ROPN1L: variants seen among roughly 807,000 people sequenced by gnomAD.
ROPN1L encodes ropporin-1-like protein.
In ROPN1L, 23 loss-of-function variants were observed where a neutral mutation model predicts 22.7. The observed-to-expected ratio is 1.01, with a 90% CI of 0.73 to 1.43. The LOEUF is 1.43. Ranked by LOEUF, ROPN1L falls within the 40% of genes most tolerant of loss-of-function variation. ROPN1L has a pLI of 0.00. For missense variants in ROPN1L, 271 were observed against 291.5 expected (o/e 0.93, Z 0.51); for synonymous variants, 116 against 117.8 (o/e 0.98, Z 0.10).
chr5:10,479,672 G>A, the ROPN1L span, among the ~76,000 whole-genome samples: 3 of 151,232 alleles, frequency 2.0e-5, no homozygotes, highest in African/African-American at 7.2e-5. Flanking sequence ...GAGGCCTCTT[G>A]CCTGAGCTCC....
intron 3 of ROPN1L, among the ~76,000 whole-genome samples, chr5:10,459,290 C>T (rs1734957397): frequency 6.6e-6 from 1 of 151,418 alleles, no homozygotes. Flanking sequence ...TGCCAGGTTC[C>T]CGCCTTCCAC....
downstream of ROPN1L, among the ~76,000 whole-genome samples, chr5:10,476,271 G>A (rs1252333484): frequency 2.6e-5 from 4 of 152,196 alleles, no homozygotes; most frequent in Admixed American, 1.3e-4. Flanking sequence ...TATGTGTTGC[G>A]GGGCATGATT....
intron 4 of ROPN1L, among the ~76,000 whole-genome samples, chr5:10,461,985 C>T (rs955606296): frequency 3.3e-5 from 5 of 152,130 alleles, no homozygotes; most frequent in East Asian, 1.9e-4. Context: ...GTTTAGCTTC[C>T]GGGAAACTTT....
intron 3 of ROPN1L, among the ~76,000 whole-genome samples, chr5:10,451,351 T>C (rs775053113): frequency 3.3e-5 from 5 of 152,250 alleles, no homozygotes; most frequent in Non-Finnish European, 5.9e-5. Context: ...TCCCATGTCC[T>C]GTCCCCCTGC....
At chr5:10,454,386 G>T (rs1013429474) in intron 3 of ROPN1L, among the ~76,000 whole-genome samples, 12 of 152,178 alleles carry the variant, frequency 7.9e-5, no homozygotes, top group African/African-American at 2.9e-4. Flanking sequence ...GCCTCCCAAA[G>T]TTCTGAGATT....
chr5:10,457,688 G>A (rs1019431306), intron 3 of ROPN1L, among the ~76,000 whole-genome samples: 4 of 152,178 alleles, frequency 2.6e-5, no homozygotes, highest in Non-Finnish European at 5.9e-5. Context: ...AGCCTGGAGC[G>A]GCCTCAGAGC....
downstream of ROPN1L, among the ~76,000 whole-genome samples, chr5:10,465,951 G>A (rs1246706254): frequency 1.3e-5 from 2 of 152,178 alleles, no homozygotes; most frequent in Non-Finnish European, 2.9e-5. Context: ...GGCATTGGCA[G>A]CTGAGGCTGC....
At chr5:10,448,421 C>T (rs760822561) in intron 2 of ROPN1L, 38 bp downstream of exon 2, 11 of 1,611,896 alleles carry the variant, frequency 6.8e-6, no homozygotes, top group African/African-American at 1.3e-5. Context: ...AGGCAGCTGG[C>T]CTGTGCTTTC....
intron 3 of ROPN1L, among the ~76,000 whole-genome samples, chr5:10,454,521 T>G (rs1234542408): frequency 6.7e-6 from 1 of 149,062 alleles, no homozygotes; most frequent in Non-Finnish European, 1.5e-5. Flanking sequence ...ATGGAGATCT[T>G]TTTTTTTTTA....
chr5:10,463,067 A>G (rs1427895324), intron 4 of ROPN1L, among the ~76,000 whole-genome samples: 1 of 152,160 alleles, frequency 6.6e-6, no homozygotes, highest in Non-Finnish European at 1.5e-5. Context: ...CAGCCACGCA[A>G]TTCTCACTCT....
At chr5:10,446,704 C>A (rs1016789888) in intron 1 of ROPN1L, among the ~76,000 whole-genome samples, 3 of 149,914 alleles carry the variant, frequency 2.0e-5, no homozygotes, top group Non-Finnish European at 3.0e-5. Context: ...TGCCTTTTGG[C>A]TGGGGAGGAG....
At chr5:10,455,782 T>TAGAGGCTTTTAAAAATCAGTGCTGGGTC (rs1741400305) in intron 3 of ROPN1L, among the ~76,000 whole-genome samples, 5 of 137,492 alleles carry the variant, frequency 3.6e-5, no homozygotes, top group African/African-American at 1.2e-4. Context: ...AGTGCTGGGT[T>TAGAGGCTTTTAAAAATCAGTGCTGGGTC]AGAGGCTTTT....
chr5:10,461,595 C>A, intron 4 of ROPN1L: 1 of 428,464 alleles, frequency 2.3e-6, no homozygotes, highest in Non-Finnish European at 4.2e-6. Context: ...CCCTGTCTAC[C>A]TGGAGATAGC....
At chr5:10,456,906 C>G (rs549170262) in intron 3 of ROPN1L, among the ~76,000 whole-genome samples, 8 of 152,198 alleles carry the variant, frequency 5.3e-5, no homozygotes, top group Non-Finnish European at 1.0e-4. Context: ...TCCATCCACG[C>G]CAACTCCTTC....
Position 10,449,949 on chromosome 5 carries a change from C to T in ROPN1L, c.256-3C>T. On this transcript the variant is annotated splice_region_variant and splice_polypyrimidine_tract_variant and intron_variant, in intron 2 of 4. Coordinates refer to ENST00000274134, the MANE Select transcript of ROPN1L (RefSeq NM_031916.5). ...AAATTGTCATGCTGTGTTTTCCAAA[C>T]AGTGTCACCACAAGCGGTATGTGGA... 2 of 1,601,780 alleles carry T rather than the reference C, an allele frequency of 1.2e-6. No individual in the cohort carries two copies. Among genetic ancestry groups the T allele is most frequent in the Non-Finnish European group, 8.5e-7 (1 of 1,175,598 alleles).
chr5:10,479,987 G>A, the ROPN1L span, among the ~76,000 whole-genome samples: 6 of 152,072 alleles, frequency 3.9e-5, no homozygotes, highest in Admixed American at 1.3e-4. Context: ...CAGGTGATCC[G>A]CCTGCCTCGA....
intron 3 of ROPN1L, among the ~76,000 whole-genome samples, chr5:10,451,672 C>T (rs964993525): frequency 2.0e-5 from 3 of 152,108 alleles, no homozygotes; most frequent in Non-Finnish European, 2.9e-5. Flanking sequence ...CTCAGGGAGT[C>T]GGGTGTGGTG....
At chr5:10,462,364 A>G (rs2589664) in intron 4 of ROPN1L, among the ~76,000 whole-genome samples, 36,301 of 152,178 alleles carry the variant, frequency 0.24, 6,317 homozygotes, top group East Asian at 0.66. Context: ...CACACCTGAT[A>G]GTATTCAGGG....
downstream of ROPN1L, chr5:10,465,067 T>C: frequency 3.8e-6 from 2 of 528,408 alleles, no homozygotes; most frequent in Non-Finnish European, 3.4e-6. Context: ...GGGAATTTAG[T>C]GTGACTGCTT....
Sources: gnomAD v4.1 joint callset for allele counts (sites outside exome capture counted in the v4.1 genomes callset) on GRCh38, gnomAD v4.1.1 for gene constraint, MANE v1.5 for transcripts, NCBI Gene and HGNC (gene_info 2026-07-23, HGNC 2026-07-21) for gene names.